ASTN2: variants seen among roughly 807,000 people sequenced by gnomAD.
ASTN2 encodes the protein astrotactin-2.
Under a neutral mutation model 139.8 loss-of-function variants are expected in ASTN2, and 54 were observed. That is an observed-to-expected ratio of 0.39 (90% CI 0.31 to 0.48). ASTN2 has a LOEUF of 0.48. ASTN2 is among the 20% of genes least tolerant of loss of function. The pLI, the probability that ASTN2 is intolerant of heterozygous loss-of-function variation, is 0.95. For synonymous variants in ASTN2, 756 were observed against 719.5 expected (o/e 1.05, Z -0.81); for missense variants, 1,565 against 1,725.1 (o/e 0.91, Z 1.64).
At chr9:117,136,597 CTG>C (rs1380827831) in intron 4 of ASTN2, among the ~76,000 whole-genome samples, 1 of 152,152 alleles carries the variant, frequency 6.6e-6, no homozygotes, top group Non-Finnish European at 1.5e-5. Context: ...GCCAAATTTA[CTG>C]TGTTTTCAAA....
intron 1 of ASTN2, among the ~76,000 whole-genome samples, chr9:117,388,691 C>A (rs936510525): frequency 3.3e-5 from 5 of 152,178 alleles, no homozygotes; most frequent in African/African-American, 1.2e-4. Flanking sequence ...GAAGTCAGAG[C>A]TCTTCAACCA....
At chr9:116,713,131 C>T (rs1297691399) in intron 16 of ASTN2, among the ~76,000 whole-genome samples, 3 of 152,100 alleles carry the variant, frequency 2.0e-5, no homozygotes, top group Non-Finnish European at 4.4e-5. Flanking sequence ...TCTCTTTGGG[C>T]AATTATTTTT....
intron 19 of ASTN2, among the ~76,000 whole-genome samples, chr9:116,571,008 G>C (rs1426088975): frequency 6.6e-6 from 1 of 152,188 alleles, no homozygotes; most frequent in East Asian, 1.9e-4. Context: ...TGCAACATTT[G>C]CTGCCTAGAG....
intron 1 of ASTN2, among the ~76,000 whole-genome samples, chr9:117,329,285 G>C (rs568085988): frequency 6.8e-6 from 1 of 147,686 alleles, no homozygotes; most frequent in African/African-American, 2.5e-5. Flanking sequence ...ACACAGGTAT[G>C]AGGTAGATAC....
intron 16 of ASTN2, among the ~76,000 whole-genome samples, chr9:116,670,329 C>T (rs2131985337): frequency 6.6e-6 from 1 of 152,050 alleles, no homozygotes. Flanking sequence ...GATGACAATC[C>T]CCCCGGACAA....
At chr9:116,535,660 T>C (rs574885028) in intron 19 of ASTN2, among the ~76,000 whole-genome samples, 11 of 152,190 alleles carry the variant, frequency 7.2e-5, no homozygotes, top group East Asian at 1.9e-4. Flanking sequence ...AAAATTCTTT[T>C]ATTTAAGAAT....
chr9:116,799,500 T>A (rs776963937), intron 13 of ASTN2, among the ~76,000 whole-genome samples: 1 of 152,292 alleles, frequency 6.6e-6, no homozygotes, highest in East Asian at 1.9e-4. Flanking sequence ...AGCAGACCCA[T>A]CTTATTTATG....
chr9:116,562,382 C>G (rs1277028107), intron 19 of ASTN2: 1 of 151,902 alleles, frequency 6.6e-6, no homozygotes, highest in Admixed American at 6.6e-5. Context: ...GACTAATGTT[C>G]TCCTGTGTGA....
chr9:116,526,139 T>G lies in ASTN2; in HGVS notation c.3356-38639A>C, dbSNP rs549483796. On this transcript the variant is annotated intron_variant, in intron 19 of 22. Coordinates refer to ENST00000313400, the MANE Select transcript of ASTN2 (RefSeq NM_001365068.1). ...TCTTCTCTAATCCAGACCCAACCTC[T>G]GTTATTTGGTGTTGATTTCTTTCAC... 3.5e-4 allele frequency among the ~76,000 whole-genome samples: 54 copies of G among 152,338 alleles called. No individual in the cohort carries two copies. In the South Asian group the frequency reaches 8.1e-3, roughly 23 times the overall value.
At chr9:117,302,257 T>G (rs770680917) in intron 1 of ASTN2, among the ~76,000 whole-genome samples, 1 of 152,132 alleles carries the variant, frequency 6.6e-6, no homozygotes, top group Non-Finnish European at 1.5e-5. Flanking sequence ...TCTGGAATCA[T>G]GGAAAATTAC....
chr9:116,527,867 C>T (rs986753617), intron 19 of ASTN2, among the ~76,000 whole-genome samples: 4 of 152,098 alleles, frequency 2.6e-5, no homozygotes, highest in Admixed American at 6.6e-5. Context: ...GTAAGATGTG[C>T]CTTGCTTCTC....
chr9:117,097,068 T>G (rs898508676), intron 4 of ASTN2, among the ~76,000 whole-genome samples: 2 of 152,116 alleles, frequency 1.3e-5, no homozygotes, highest in Non-Finnish European at 2.9e-5. Flanking sequence ...AACACTCCAG[T>G]GGTACCTAGG....
intron 19 of ASTN2, among the ~76,000 whole-genome samples, chr9:116,578,619 CGTGT>C (rs71377254): frequency 0.1 from 13,736 of 137,364 alleles, 720 homozygotes; most frequent in Non-Finnish European, 0.11. Context: ...CTGGCTCCAA[CGTGT>C]GTGTGTGTGT....
chr9:116,791,205 A>C (rs1229837921), intron 13 of ASTN2, among the ~76,000 whole-genome samples: 1 of 152,030 alleles, frequency 6.6e-6, no homozygotes, highest in African/African-American at 2.4e-5. Context: ...TTCAATAAAA[A>C]CTCGTTAACT....
intron 7 of ASTN2, among the ~76,000 whole-genome samples, chr9:116,987,451 C>T (rs1564372191): frequency 6.6e-6 from 1 of 152,176 alleles, no homozygotes; most frequent in South Asian, 2.1e-4. Context: ...CCACTGGCCC[C>T]CTTCACTCTC....
intron 13 of ASTN2, among the ~76,000 whole-genome samples, chr9:116,786,525 A>G (rs1428778680): frequency 2.0e-5 from 3 of 152,166 alleles, no homozygotes; most frequent in Non-Finnish European, 4.4e-5. Context: ...TATTACTACA[A>G]TCACTACTGT....
At chr9:116,945,554 C>T (rs922983354) in intron 10 of ASTN2, among the ~76,000 whole-genome samples, 4 of 152,112 alleles carry the variant, frequency 2.6e-5, no homozygotes, top group African/African-American at 4.8e-5. Flanking sequence ...CCTACAGTCA[C>T]ATTTCTTCTT....
intron 3 of ASTN2, among the ~76,000 whole-genome samples, chr9:117,201,580 C>A (rs1469196167): frequency 6.6e-6 from 1 of 152,128 alleles, no homozygotes; most frequent in East Asian, 1.9e-4. Flanking sequence ...TGATTTCTGC[C>A]TTAATTTCAT....
At chr9:117,412,502 T>A (rs566544499) in intron 1 of ASTN2, among the ~76,000 whole-genome samples, 1 of 152,254 alleles carries the variant, frequency 6.6e-6, no homozygotes, top group South Asian at 2.1e-4. Context: ...CCATCCTGTT[T>A]GAAAGCCAAA....
Sources: allele counts gnomAD v4.1 joint callset (sites outside exome capture counted in the v4.1 genomes callset), GRCh38; gene constraint gnomAD v4.1.1; transcripts MANE v1.5; gene names NCBI Gene and HGNC (gene_info 2026-07-23, HGNC 2026-07-21).